SRCIN1: variants seen among roughly 807,000 people sequenced by gnomAD.
SRCIN1 encodes P130Cas-associated protein.
SRCIN1 carries 50 observed loss-of-function variants against 116.2 expected under a neutral mutation model. That is an observed-to-expected ratio of 0.43 (90% CI 0.34 to 0.54). The LOEUF (loss-of-function observed/expected upper bound fraction) is 0.54. SRCIN1 is among the 20% of genes least tolerant of loss of function. SRCIN1 has a pLI of 0.02. For synonymous variants in SRCIN1, 736 were observed against 750.0 expected, an observed-to-expected ratio of 0.98 and a Z score of 0.30; for missense variants, 1,446 against 1,672.0, an observed-to-expected ratio of 0.86 and a Z score of 2.36.
Position 38,551,911 on chromosome 17 carries a change from C to T in SRCIN1, c.2702G>A (p.Ser901Asn). ...TKGLDTPGKR[S>N]VDKAVSVEAA... ...CTCAACAGACACAGCTTTGTCCACG[C>T]TTCTCTTGCCAGGAGTGTCCAGGCC... The change falls in exon 14 of 19, where the codon AGC becomes AAC. Residue 901 changes from serine to asparagine, a missense_variant. Ser to Asn is a conservative substitution (Grantham distance 46). Coordinates refer to ENST00000617146, the MANE Select transcript of SRCIN1 (RefSeq NM_025248.3). 5 of 1,614,038 alleles carry T rather than the reference C, an allele frequency of 3.1e-6. No individual in the cohort carries two copies. Among genetic ancestry groups the T allele is most frequent in the Non-Finnish European group, 4.2e-6 (5 of 1,179,904 alleles).
chr17:38,604,166 G>C lies in SRCIN1; in HGVS notation c.22+1518C>G, dbSNP rs1909220787. Among the ~76,000 whole-genome samples the C allele has an allele frequency of 6.6e-6, 1 of 152,160 alleles. No individual in the cohort carries two copies. The highest frequency in any genetic ancestry group is 1.5e-5 in the Non-Finnish European group (1 of 68,032). Reference sequence around the variant, plus strand: ...AAGGTCACCCAGACCAAGATACCAAGAGTCGGGAAGAAGGTATCCTGACGA... The same window carrying C: ...AAGGTCACCCAGACCAAGATACCAACAGTCGGGAAGAAGGTATCCTGACGA... On this transcript the variant is annotated intron_variant, in intron 1 of 18. Coordinates refer to ENST00000617146, the MANE Select transcript of SRCIN1 (RefSeq NM_025248.3). This position sits in a 1 kb window ranked among gnomAD's most constrained non-coding sequence, Gnocchi z 4.3.
intron 2 of SRCIN1, among the ~76,000 whole-genome samples, chr17:38,573,465 C>T (rs1907221714): frequency 6.6e-6 from 1 of 152,216 alleles, no homozygotes; most frequent in Admixed American, 6.5e-5. Context: ...AGATCCTATG[C>T]ACAGACACTT....
intron 1 of SRCIN1, among the ~76,000 whole-genome samples, chr17:38,597,099 G>GC (rs1468505963): frequency 6.6e-6 from 1 of 152,184 alleles, no homozygotes; most frequent in East Asian, 1.9e-4. Flanking sequence ...CATTCTCAGA[G>GC]CCCCCTGCCA....
intron 1 of SRCIN1, among the ~76,000 whole-genome samples, chr17:38,600,283 T>G (rs566736854): frequency 1.3e-5 from 2 of 152,256 alleles, no homozygotes; most frequent in East Asian, 3.9e-4. Flanking sequence ...GGGGTAGATA[T>G]GTAGGTAAAA....
chr17:38,605,584 GC>G, intron 1 of SRCIN1, 99 bp downstream of exon 1: 6 of 984,518 alleles, frequency 6.1e-6, no homozygotes, highest in Admixed American at 4.4e-5. Flanking sequence ...CCCGGCCGCC[GC>G]CCCCGCCCCC....
intron 1 of SRCIN1, among the ~76,000 whole-genome samples, chr17:38,584,112 TC>T (rs1269693732): frequency 6.6e-6 from 1 of 152,020 alleles, no homozygotes; most frequent in Non-Finnish European, 1.5e-5. Context: ...CGGGCTGGGG[TC>T]TTAAGCATGG....
chr17:38,559,357 G>A (rs1007062673), intron 10 of SRCIN1: 23 of 567,096 alleles, frequency 4.1e-5, no homozygotes, highest in Non-Finnish European at 6.5e-5. Context: ...GGGGTCACGG[G>A]CGAGGGATAA....
At chr17:38,543,338 A>T (rs542992892) in intron 18 of SRCIN1, among the ~76,000 whole-genome samples, 1 of 152,336 alleles carries the variant, frequency 6.6e-6, no homozygotes, top group East Asian at 1.9e-4. Flanking sequence ...GGAGACCAGG[A>T]TGAGAGTGGG....
intron 18 of SRCIN1, among the ~76,000 whole-genome samples, chr17:38,538,655 G>A (rs1269386174): frequency 2.0e-5 from 3 of 152,098 alleles, no homozygotes; most frequent in African/African-American, 4.8e-5. Flanking sequence ...GAGGCCCAGT[G>A]TTGCTTTATT....
chr17:38,550,667 C>T (rs928615630), intron 15 of SRCIN1, among the ~76,000 whole-genome samples: 2 of 152,196 alleles, frequency 1.3e-5, no homozygotes, highest in African/African-American at 2.4e-5. Flanking sequence ...TCCGTATCTC[C>T]AGCACCTAGC....
Position 38,544,890 on chromosome 17 carries a change from TA to T in SRCIN1, c.3271-922del, listed in dbSNP as rs888302152. The T allele has an allele frequency of 7.6e-6, 1 of 131,174 alleles. No individual in the cohort carries two copies. The highest frequency in any genetic ancestry group is 1.6e-5 in the Non-Finnish European group (1 of 61,692). The allele number at this position is 131,174 out of a possible 1,614,324, so 8.1% of individuals were successfully genotyped here. ...GGGCAGCCACCTGGGGGCGGAGGGG[TA>T]GGGGTGGGGGGCTGCCAGGGGACCC... On this transcript the variant is annotated intron_variant, in intron 17 of 18. Coordinates refer to ENST00000617146, the MANE Select transcript of SRCIN1 (RefSeq NM_025248.3). The surrounding 1 kb of genome is among the most constrained non-coding windows in gnomAD (Gnocchi z 4.5).
At chr17:38,590,146 CTCCAATCCACACA>C (rs532850248) in intron 1 of SRCIN1, among the ~76,000 whole-genome samples, 162 of 152,366 alleles carry the variant, frequency 1.1e-3, no homozygotes, top group African/African-American at 3.8e-3. Context: ...ACCCTCCCTT[CTCCAATCCACACA>C]TCCATCTTGA....
intron 18 of SRCIN1, among the ~76,000 whole-genome samples, chr17:38,540,831 C>A (rs1904691228): frequency 1.3e-5 from 2 of 152,072 alleles, no homozygotes; most frequent in African/African-American, 4.8e-5. Flanking sequence ...ACCCCCAGGT[C>A]TTGGGAAATC....
intron 1 of SRCIN1, among the ~76,000 whole-genome samples, chr17:38,583,619 C>A (rs1907948820): frequency 7.3e-6 from 1 of 136,598 alleles, no homozygotes; most frequent in Admixed American, 8.4e-5. Flanking sequence ...ATGGTGCGAT[C>A]TCGGCTCACT....
In SRCIN1 at chr17:38,572,269, G is replaced by T. The variant is rs554581590; in HGVS notation, c.325-4038C>A. ...CTAAGCCACTCGCCCCTCCTCGGGCGCCTGCCCCCACCGCGATGTACATGC... is the reference window on the plus strand; with the variant it reads ...CTAAGCCACTCGCCCCTCCTCGGGCTCCTGCCCCCACCGCGATGTACATGC... On this transcript the variant is annotated intron_variant, in intron 2 of 18. Transcript: ENST00000617146. This position sits in a 1 kb window ranked among gnomAD's most constrained non-coding sequence, Gnocchi z 4.3. 6.8e-6 allele frequency among the ~76,000 whole-genome samples: 1 copy of T among 146,056 alleles called. No individual in the cohort carries two copies. Among genetic ancestry groups the T allele is most frequent in the Non-Finnish European group, 1.5e-5 (1 of 67,258 alleles).
intron 10 of SRCIN1, 190 bp downstream of exon 10, chr17:38,559,395 C>G: frequency 1.6e-6 from 1 of 611,940 alleles, no homozygotes; most frequent in South Asian, 2.0e-5. Context: ...GGAGGTTCAG[C>G]GAGGGAGCGG....
chr17:38,558,457 G>C lies in SRCIN1; in HGVS notation c.2026-55C>G. The C allele has an allele frequency of 6.5e-7, 1 of 1,532,584 alleles. No homozygotes were observed. The highest frequency in any genetic ancestry group is 2.4e-5 in the East Asian group (1 of 40,992). 94.9% of individuals were successfully genotyped at this position (1,532,584 alleles called of 1,614,324 possible). A position where few individuals can be genotyped will look rare whatever the true frequency, so the allele number is the denominator to read the frequency against. ...GTGGGGGGAGCGGAGCCGCGAGGCAGGGGAAGGGCCGGGAGAAGGCGGGTA... is the reference window on the plus strand; with the variant it reads ...GTGGGGGGAGCGGAGCCGCGAGGCACGGGAAGGGCCGGGAGAAGGCGGGTA... On this transcript the variant is annotated intron_variant, in intron 10 of 18. Transcript: ENST00000617146. The surrounding 1 kb of genome is among the most constrained non-coding windows in gnomAD (Gnocchi z 4.6).
rs974168175 is a variant in SRCIN1, at chr17:38,602,986, C to G, written c.22+2698G>C. 6.6e-6 allele frequency among the ~76,000 whole-genome samples: 1 copy of G among 151,632 alleles called. No homozygotes were observed. The highest frequency in any genetic ancestry group is 2.1e-4 in the South Asian group (1 of 4,796). On this transcript the variant is annotated intron_variant, in intron 1 of 18. Transcript: ENST00000617146. The surrounding 1 kb of genome is among the most constrained non-coding windows in gnomAD (Gnocchi z 4.2). ...AACTGGGTACTTCAAAGAGCCCAGC[C>G]GCCTCCCTCCTAAGCACTTCCAGGG...
chr17:38,551,043 G>A, intron 15 of SRCIN1, 112 bp downstream of exon 15: 1 of 579,876 alleles, frequency 1.7e-6, no homozygotes, highest in Non-Finnish European at 3.0e-6. Flanking sequence ...CCCTTGTGTG[G>A]CAGCCCAACC....
Sources: allele counts gnomAD v4.1 joint callset (sites outside exome capture counted in the v4.1 genomes callset), GRCh38; gene constraint gnomAD v4.1.1; non-coding constraint Gnocchi (gnomAD v3.1); transcripts MANE v1.5; gene names NCBI Gene and HGNC (gene_info 2026-07-23, HGNC 2026-07-21).